Variants in ADAMTSL1 observed in about 807,000 individuals in gnomAD.
The protein encoded by ADAMTSL1 is ADAMTS-like protein 1.
In ADAMTSL1, 126 loss-of-function variants were observed where a neutral mutation model predicts 201.8. The observed-to-expected ratio is 0.62, with a 90% CI of 0.54 to 0.72. ADAMTSL1 has a LOEUF of 0.72. ADAMTSL1 is among the 30% of genes least tolerant of loss of function. The pLI is 0.00. For synonymous variants in ADAMTSL1, 1,121 were observed against 903.4 expected (o/e 1.24, Z -4.32); for missense variants, 2,679 against 2,277.8 (o/e 1.18, Z -3.59).
intron 23 of ADAMTSL1, among the ~76,000 whole-genome samples, chr9:18,882,614 G>A (rs1828602243): frequency 1.3e-5 from 2 of 152,090 alleles, no homozygotes; most frequent in African/African-American, 4.8e-5. Context: ...GGAGTGCAGT[G>A]ACACCACCAT....
chr9:18,143,320 T>C (rs556271485), intron 1 of ADAMTSL1, among the ~76,000 whole-genome samples: 2 of 152,242 alleles, frequency 1.3e-5, no homozygotes, highest in African/African-American at 4.8e-5. Context: ...CTCTGGTCAA[T>C]TGGTTCTAAT....
intron 2 of ADAMTSL1, among the ~76,000 whole-genome samples, chr9:18,316,653 A>G (rs1046540751): frequency 6.6e-6 from 1 of 152,198 alleles, no homozygotes; most frequent in East Asian, 1.9e-4. Context: ...CAGATTTCAT[A>G]TTGCTCAAAC....
chr9:17,989,592 T>G (rs1297112732), intron 1 of ADAMTSL1, among the ~76,000 whole-genome samples: 1 of 152,062 alleles, frequency 6.6e-6, no homozygotes, highest in East Asian at 1.9e-4. Flanking sequence ...AAAGCCTTTT[T>G]TGAAATAATT....
At chr9:18,063,560 G>T (rs1199400696) in intron 1 of ADAMTSL1, among the ~76,000 whole-genome samples, 1 of 152,172 alleles carries the variant, frequency 6.6e-6, no homozygotes, top group Non-Finnish European at 1.5e-5. Context: ...GCATAATTCA[G>T]TGTTCTTTTC....
At chr9:18,316,603 T>C (rs867551241) in intron 2 of ADAMTSL1, among the ~76,000 whole-genome samples, 9 of 152,194 alleles carry the variant, frequency 5.9e-5, no homozygotes, top group African/African-American at 1.9e-4. Context: ...TCTTATTCCC[T>C]GAACAACTGC....
intron 23 of ADAMTSL1, among the ~76,000 whole-genome samples, chr9:18,842,458 G>C (rs1588211767): frequency 6.6e-6 from 1 of 152,058 alleles, no homozygotes; most frequent in Admixed American, 6.6e-5. Context: ...TTACTTCCAA[G>C]TATGTGGTCA....
At chr9:18,530,207 G>T (rs914434339) in intron 2 of ADAMTSL1, among the ~76,000 whole-genome samples, 11 of 152,084 alleles carry the variant, frequency 7.2e-5, no homozygotes, top group African/African-American at 2.7e-4. Flanking sequence ...AATTCATTTG[G>T]CAGGTAAGGA....
intron 2 of ADAMTSL1, among the ~76,000 whole-genome samples, chr9:18,301,458 T>C (rs1833708020): frequency 6.6e-6 from 1 of 152,228 alleles, no homozygotes; most frequent in Non-Finnish European, 1.5e-5. Flanking sequence ...AAATCTTTTA[T>C]ATACTATATG....
chr9:18,345,680 A>T (rs138273490), intron 2 of ADAMTSL1, among the ~76,000 whole-genome samples: 44 of 152,286 alleles, frequency 2.9e-4, no homozygotes, highest in African/African-American at 1.1e-3. Context: ...TAAACACTGC[A>T]GCGGCAAGCA....
intron 20 of ADAMTSL1, among the ~76,000 whole-genome samples, chr9:18,801,351 T>C (rs992909885): frequency 1.3e-5 from 2 of 152,258 alleles, no homozygotes; most frequent in African/African-American, 4.8e-5. Context: ...TATATAGTTA[T>C]GTAACCATTA....
intron 23 of ADAMTSL1, among the ~76,000 whole-genome samples, chr9:18,842,042 T>C (rs1235528379): frequency 3.3e-5 from 5 of 151,240 alleles, no homozygotes; most frequent in Non-Finnish European, 7.4e-5. Context: ...TTTCCTTCAG[T>C]TCTGCTCTGA....
intron 13 of ADAMTSL1, among the ~76,000 whole-genome samples, chr9:18,698,606 A>G (rs1831716314): frequency 1.3e-5 from 2 of 152,166 alleles, no homozygotes; most frequent in Admixed American, 1.3e-4. Context: ...CACTCAGCCA[A>G]TATTTTGAAT....
chr9:17,924,027 C>T (rs1010450804), intron 1 of ADAMTSL1, among the ~76,000 whole-genome samples: 10 of 136,230 alleles, frequency 7.3e-5, no homozygotes, highest in African/African-American at 2.8e-4. Flanking sequence ...TTCGGTTTGC[C>T]AGTATTTTAT....
chr9:18,721,489 C>G, intron 14 of ADAMTSL1, 47 bp from the exon 15 acceptor site: 3 of 1,604,004 alleles, frequency 1.9e-6, no homozygotes, highest in Non-Finnish European at 2.6e-6. Flanking sequence ...ACCCCCCACA[C>G]ACACACCCAC....
intron 2 of ADAMTSL1, among the ~76,000 whole-genome samples, chr9:18,402,343 A>G (rs1818018739): frequency 6.6e-6 from 1 of 152,080 alleles, no homozygotes; most frequent in South Asian, 2.1e-4. Flanking sequence ...AAATCCATCC[A>G]TTTCTCTTTA....
At chr9:18,099,069 C>G (rs1477513601) in intron 1 of ADAMTSL1, among the ~76,000 whole-genome samples, 4 of 149,136 alleles carry the variant, frequency 2.7e-5, no homozygotes, top group African/African-American at 9.8e-5. Context: ...TAGAAGAAGT[C>G]CATTCCATGA....
rs1428008463 is a variant in ADAMTSL1 at position 18,639,379 on chromosome 9, G to C, written c.802G>C (p.Ala268Pro). 2 of 1,612,842 alleles carry C rather than the reference G, an allele frequency of 1.2e-6. No homozygotes were observed. The highest frequency in any genetic ancestry group is 1.3e-5 in the African/African-American group (1 of 74,972). The stretch of plus-strand genomic sequence containing the variant: ...TCCAGACAAAGAGATACTGAGAATG[G>C]CTGGACCACTCACAGCAGATTTCAT... The part of the protein sequence containing the change: ...KFPDKEILRM[A>P]GPLTADFIVK... Residue 268 changes from alanine to proline, a missense_variant, in exon 7 of 29, where the codon GCT becomes CCT. Coordinates refer to ENST00000380548, the MANE Select transcript of ADAMTSL1 (RefSeq NM_001040272.6).
intron 2 of ADAMTSL1, among the ~76,000 whole-genome samples, chr9:18,455,762 C>T (rs1477875144): frequency 1.3e-5 from 2 of 150,882 alleles, no homozygotes; most frequent in Non-Finnish European, 2.9e-5. Flanking sequence ...CCCACCCCCA[C>T]CCCCAAAATG....
chr9:18,000,117 C>G (rs1015740018), intron 1 of ADAMTSL1, among the ~76,000 whole-genome samples: 1 of 150,522 alleles, frequency 6.6e-6, no homozygotes, highest in Non-Finnish European at 1.5e-5. Context: ...TGGGTATATA[C>G]CCAGTAATGG....
Sources: allele counts gnomAD v4.1 joint callset (sites outside exome capture counted in the v4.1 genomes callset), GRCh38; gene constraint gnomAD v4.1.1; transcripts MANE v1.5; gene names NCBI Gene and HGNC (gene_info 2026-07-23, HGNC 2026-07-21).